MPND: variants seen among roughly 807,000 people sequenced by gnomAD.
MPND encodes the protein MPN domain containing.
MPND carries 56 observed loss-of-function variants against 59.2 expected under a neutral mutation model. That is an observed-to-expected ratio of 0.95 (90% CI 0.76 to 1.18). The LOEUF (loss-of-function observed/expected upper bound fraction) is 1.18. Among genes scored for constraint, MPND ranks in the 50% most tolerant of loss-of-function variants. MPND has a pLI of 0.00. For synonymous variants in MPND, 323 were observed against 291.9 expected, an observed-to-expected ratio of 1.11 and a Z score of -1.09; for missense variants, 671 against 676.0, an observed-to-expected ratio of 0.99 and a Z score of 0.08.
chr19:4,356,992 G>A (rs1972451909), intron 8 of MPND: 1 of 376,852 alleles, frequency 2.7e-6, no homozygotes, highest in Admixed American at 4.5e-5. Context: ...TATTCTGTAA[G>A]CTGGGCTACA....
At chr19:4,354,250 TGGG>T in intron 5 of MPND, 71 bp from the exon 6 acceptor site, 5 of 1,484,134 alleles carry the variant, frequency 3.4e-6, no homozygotes, top group Non-Finnish European at 4.6e-6. Flanking sequence ...GCTGTGGGGT[TGGG>T]GGAGTCAGTG....
At position 4,359,263 on chromosome 19, in the gene MPND, C is replaced by T. The variant is rs1390555342; in HGVS notation, c.1419+8C>T. The T allele has an allele frequency of 6.2e-7, 1 of 1,611,504 alleles. No homozygotes were observed. Among genetic ancestry groups the T allele is most frequent in the Admixed American group, 1.7e-5 (1 of 59,970 alleles). ...TACCTCGACAAGCTTAAGGTGAGCC[C>T]CAAGTCCCCGCAGACCTCCTAACGG... is the stretch of plus-strand genomic sequence containing the variant. On this transcript the variant is annotated splice_region_variant and intron_variant, in intron 12 of 12. Coordinates refer to ENST00000599840, the MANE Select transcript of MPND (RefSeq NM_001300862.2).
chr19:4,346,841 C>T (rs1043108073), intron 3 of MPND, among the ~76,000 whole-genome samples: 6 of 151,878 alleles, frequency 4.0e-5, no homozygotes, highest in Non-Finnish European at 1.5e-5. Context: ...ACCAGCCTGG[C>T]CAACATGGTG....
At chr19:4,358,229 A>G in intron 11 of MPND, 57 bp downstream of exon 11, 1 of 1,448,836 alleles carries the variant, frequency 6.9e-7, no homozygotes, top group Non-Finnish European at 9.5e-7. Context: ...TGGGCACACG[A>G]TGCGTTGGTC....
At chr19:4,357,683 A>G in intron 10 of MPND, 98 bp downstream of exon 10, 1 of 1,260,500 alleles carries the variant, frequency 7.9e-7, no homozygotes. Context: ...TCCACTGGAG[A>G]GTTGGGGCCC....
rs1219116721 is a variant in MPND, at chr19:4,354,396, T to G, written c.822T>G (p.Val274=). ...AGTTCCAGCCGTTCAACGTGGCTGTTTCTAGCAACGTGCTGTTCCTGCTGG... is the reference window on the plus strand; with the variant it reads ...AGTTCCAGCCGTTCAACGTGGCTGTGTCTAGCAACGTGCTGTTCCTGCTGG... The part of the protein sequence containing the change: ...INKFQPFNVA[V]SSNVLFLLDF... The change falls in exon 6 of 13, where the codon GTT becomes GTG. Residue 274 remains valine, a synonymous_variant. Coordinates refer to ENST00000599840, the MANE Select transcript of MPND (RefSeq NM_001300862.2). 2 of 1,559,360 alleles carry G rather than the reference T, an allele frequency of 1.3e-6. No individual in the cohort carries two copies.
rs759950226 is a variant in MPND, at chr19:4,357,500, C to T, written c.1166-15C>T. 1 of 1,612,350 alleles carries T rather than the reference C, an allele frequency of 6.2e-7. No homozygotes were observed. Among genetic ancestry groups the T allele is most frequent in the Non-Finnish European group, 8.5e-7 (1 of 1,179,354 alleles). ...GAGCCTCCCAGGGCCAACCCCTCTC[C>T]CTCTCTCCCGCCAGCCCCTTACTAT... On this transcript the variant is annotated splice_polypyrimidine_tract_variant and intron_variant, in intron 9 of 12. Coordinates refer to ENST00000599840, the MANE Select transcript of MPND (RefSeq NM_001300862.2).
intron 3 of MPND, chr19:4,348,115 C>T (rs1274665120): frequency 1.3e-5 from 2 of 151,768 alleles, no homozygotes; most frequent in Non-Finnish European, 2.9e-5. Context: ...TGGTCTCGAA[C>T]TCCTGACATC....
Position 4,359,274 on chromosome 19 carries a change from C to G in MPND, c.1419+19C>G, listed in dbSNP as rs1384629353. 1 of 1,601,516 alleles carries G rather than the reference C, an allele frequency of 6.2e-7. No individual in the cohort carries two copies. The highest frequency in any genetic ancestry group is 1.7e-5 in the Admixed American group (1 of 59,886). On this transcript the variant is annotated intron_variant, in intron 12 of 12. Coordinates refer to ENST00000599840, the MANE Select transcript of MPND (RefSeq NM_001300862.2). ...GCTTAAGGTGAGCCCCAAGTCCCCGCAGACCTCCTAACGGGGCCCCAGGAG... is the reference window on the plus strand; with the variant it reads ...GCTTAAGGTGAGCCCCAAGTCCCCGGAGACCTCCTAACGGGGCCCCAGGAG...
At position 4,359,266 on chromosome 19, in the gene MPND, A is replaced by C. The variant is rs773080433; in HGVS notation, c.1419+11A>C. ...CTCGACAAGCTTAAGGTGAGCCCCA[A>C]GTCCCCGCAGACCTCCTAACGGGGC... On this transcript the variant is annotated intron_variant, in intron 12 of 12. Transcript: ENST00000599840. The C allele has an allele frequency of 3.7e-6, 6 of 1,609,236 alleles. No individual in the cohort carries two copies. The highest frequency in any genetic ancestry group is 5.1e-6 in the Non-Finnish European group (6 of 1,176,676).
chr19:4,354,488 C>T (rs1162112543), intron 6 of MPND, 68 bp downstream of exon 6: 1 of 1,275,838 alleles, frequency 7.8e-7, no homozygotes, highest in Non-Finnish European at 1.1e-6. Context: ...GGGCGGGGCT[C>T]CCCTGCGTAT....
intron 6 of MPND, chr19:4,354,664 G>C (rs866730581): frequency 1.7e-6 from 1 of 594,112 alleles, no homozygotes; most frequent in Admixed American, 3.0e-5. Flanking sequence ...TCAGGAGTTC[G>C]AGACAAGCCT....
At chr19:4,353,602 C>G (rs1382240638) in intron 4 of MPND, among the ~76,000 whole-genome samples, 1 of 151,968 alleles carries the variant, frequency 6.6e-6, no homozygotes, top group Non-Finnish European at 1.5e-5. Flanking sequence ...TGCTCTGTCC[C>G]CCAGGGCAGA....
chr19:4,355,250 C>A, intron 8 of MPND, 77 bp downstream of exon 8: 1 of 1,468,786 alleles, frequency 6.8e-7, no homozygotes, highest in Non-Finnish European at 9.4e-7. Flanking sequence ...TGCCCAGTGG[C>A]TGGCAGTGTC....
At position 4,343,899 on chromosome 19, in the gene MPND, G is replaced by C. The variant is rs1972127230; in HGVS notation, c.199G>C (p.Gly67Arg). 2 of 1,256,834 alleles carry C rather than the reference G, an allele frequency of 1.6e-6. No individual in the cohort carries two copies. Among genetic ancestry groups the C allele is most frequent in the South Asian group, 3.3e-5 (1 of 30,610 alleles). 77.9% of individuals were successfully genotyped at this position (1,256,834 alleles called of 1,614,324 possible). A position where few individuals can be genotyped will look rare whatever the true frequency, so the allele number is the denominator to read the frequency against. The change falls in exon 2 of 13, where the codon GGG (glycine) becomes CGG (arginine). Residue 67 changes from glycine (G) to arginine (R), a missense_variant. Transcript: ENST00000599840. ...GAGAGGCGGP[G>R]GALTRRAVTL... ...CGGGGCGGGGGGCTGCGGCGGGCCC[G>C]GGGGCGCGCTCACCAGGCGCGCGGT...
At chr19:4,359,362 C>A in intron 12 of MPND, 107 bp downstream of exon 12, 2 of 781,350 alleles carry the variant, frequency 2.6e-6, no homozygotes, top group Non-Finnish European at 2.1e-6. Flanking sequence ...GGGCCTGAGA[C>A]AGCCCAGCTG....
At chr19:4,351,658 C>T (rs574440881) in intron 3 of MPND, among the ~76,000 whole-genome samples, 41 of 150,412 alleles carry the variant, frequency 2.7e-4, no homozygotes, top group African/African-American at 7.8e-4. Flanking sequence ...GTCAGACGAT[C>T]GAGACCATCC....
At chr19:4,358,275 G>C (rs1441388679) in intron 11 of MPND, 103 bp downstream of exon 11, 7 of 1,051,864 alleles carry the variant, frequency 6.7e-6, no homozygotes, top group Non-Finnish European at 9.8e-6. Flanking sequence ...GCTATGGCTG[G>C]TGGCGCCTTG....
At chr19:4,357,898 T>C in intron 10 of MPND, 185 bp from the exon 11 acceptor site, 1 of 617,180 alleles carries the variant, frequency 1.6e-6, no homozygotes, top group Non-Finnish European at 2.9e-6. Context: ...GGCTCTCCTC[T>C]GGGCCTCTCC....
Sources: allele counts gnomAD v4.1 joint callset (sites outside exome capture counted in the v4.1 genomes callset), GRCh38; gene constraint gnomAD v4.1.1; transcripts MANE v1.5; gene names NCBI Gene and HGNC (gene_info 2026-07-23, HGNC 2026-07-21).